Variants in NCKAP5 observed in about 807,000 individuals in gnomAD.
The protein encoded by NCKAP5 is nck-associated protein 5.
NCKAP5 carries 92 observed loss-of-function variants against 167.0 expected under a neutral mutation model. The observed-to-expected ratio is 0.55, with a 90% confidence interval of 0.47 to 0.66. The LOEUF (loss-of-function observed/expected upper bound fraction) is 0.66, where lower values mean the gene tolerates loss of function less well. NCKAP5 is among the 30% of genes least tolerant of loss of function. NCKAP5 has a pLI of 0.00. For synonymous variants in NCKAP5, 891 were observed against 877.4 expected, an observed-to-expected ratio of 1.02 and a Z score of -0.27; for missense variants, 2,378 against 2,315.0, an observed-to-expected ratio of 1.03 and a Z score of -0.56.
the NCKAP5 span, among the ~76,000 whole-genome samples, chr2:133,630,030 T>A: frequency 5.9e-5 from 9 of 152,096 alleles, no homozygotes; most frequent in South Asian, 1.5e-3. Context: ...AGCTAATGCA[T>A]GTGGGGGTTA....
intron 5 of NCKAP5, among the ~76,000 whole-genome samples, chr2:133,174,127 T>G (rs1295899516): frequency 6.6e-6 from 1 of 152,208 alleles, no homozygotes; most frequent in East Asian, 1.9e-4. Flanking sequence ...TATGGCCATG[T>G]CTCCTTAGTC....
In NCKAP5 at chr2:132,853,543, A is replaced by G. The variant is rs1689238001; in HGVS notation, c.807+6949T>C. Reference sequence around the variant, plus strand: ...GTGCTCTTGAAAGCAATTAATACCTATTAATACAATTAATACATATATCTA... The same window carrying G: ...GTGCTCTTGAAAGCAATTAATACCTGTTAATACAATTAATACATATATCTA... On this transcript the variant is annotated intron_variant, in intron 11 of 19. Transcript: ENST00000409261. 2.6e-5 allele frequency among the ~76,000 whole-genome samples: 4 copies of G among 152,202 alleles called. No homozygotes were observed. In the South Asian group the frequency reaches 8.3e-4, roughly 31 times the overall value.
At chr2:133,346,166 C>G (rs1051154578) in intron 3 of NCKAP5, among the ~76,000 whole-genome samples, 1 of 152,044 alleles carries the variant, frequency 6.6e-6, no homozygotes, top group Non-Finnish European at 1.5e-5. Context: ...ATAAAATGAC[C>G]CAAATATGGT....
At chr2:133,245,978 T>C (rs2087968402) in intron 4 of NCKAP5, among the ~76,000 whole-genome samples, 1 of 151,038 alleles carries the variant, frequency 6.6e-6, no homozygotes, top group Non-Finnish European at 1.5e-5. Flanking sequence ...TCAACTAGCA[T>C]ATGTTGCAAC....
intron 3 of NCKAP5, among the ~76,000 whole-genome samples, chr2:133,395,336 A>G (rs1687669252): frequency 6.6e-6 from 1 of 152,310 alleles, no homozygotes; most frequent in Admixed American, 6.5e-5. Context: ...CTCTTCTCAG[A>G]AATAATGGCC....
chr2:133,112,763 C>A (rs2081957379), intron 6 of NCKAP5, among the ~76,000 whole-genome samples: 1 of 152,172 alleles, frequency 6.6e-6, no homozygotes, highest in African/African-American at 2.4e-5. Flanking sequence ...GTTTAATATA[C>A]AATTATTGTC....
At chr2:132,821,678 G>C (rs141445848) in intron 11 of NCKAP5, among the ~76,000 whole-genome samples, 1 of 152,120 alleles carries the variant, frequency 6.6e-6, no homozygotes, top group African/African-American at 2.4e-5. Flanking sequence ...CACAGTCTGG[G>C]GCAAAGTGTG....
At chr2:133,086,991 T>C (rs990253561) in intron 6 of NCKAP5, among the ~76,000 whole-genome samples, 2 of 152,180 alleles carry the variant, frequency 1.3e-5, no homozygotes, top group African/African-American at 4.8e-5. Context: ...AAGTGATTTT[T>C]AGATGAGGGA....
intron 3 of NCKAP5, among the ~76,000 whole-genome samples, chr2:133,377,710 G>A (rs1574833569): frequency 1.3e-5 from 2 of 152,304 alleles, no homozygotes; most frequent in South Asian, 4.1e-4. Context: ...GCAAAGCAGT[G>A]TGACATTTAG....
chr2:133,649,174 C>G, the NCKAP5 span, among the ~76,000 whole-genome samples: 3 of 149,476 alleles, frequency 2.0e-5, no homozygotes, highest in African/African-American at 7.4e-5. Flanking sequence ...TATAACCTAT[C>G]AAGACGAAAT....
the NCKAP5 span, among the ~76,000 whole-genome samples, chr2:133,657,821 T>C: frequency 1.3e-5 from 2 of 152,108 alleles, no homozygotes; most frequent in South Asian, 2.1e-4. Context: ...TCTCAAAAGC[T>C]CTGAGTCAGA....
At chr2:133,447,824 A>C (rs1031669991) in intron 3 of NCKAP5, among the ~76,000 whole-genome samples, 5 of 152,056 alleles carry the variant, frequency 3.3e-5, no homozygotes, top group African/African-American at 4.8e-5. Flanking sequence ...GAGACAGTGA[A>C]TCATCTTGCA....
chr2:133,580,638 C>A, the NCKAP5 span, among the ~76,000 whole-genome samples: 1 of 152,192 alleles, frequency 6.6e-6, no homozygotes, highest in Admixed American at 6.5e-5. Flanking sequence ...AACAAATCAG[C>A]ATGGTTTATT....
chr2:133,626,654 T>G, the NCKAP5 span, among the ~76,000 whole-genome samples: 1 of 152,004 alleles, frequency 6.6e-6, no homozygotes, highest in Non-Finnish European at 1.5e-5. Flanking sequence ...TTTAAAAGAG[T>G]CTTTATCTTT....
intron 2 of NCKAP5, among the ~76,000 whole-genome samples, chr2:133,538,146 G>T (rs1685900769): frequency 6.6e-6 from 1 of 152,134 alleles, no homozygotes; most frequent in Admixed American, 6.5e-5. Flanking sequence ...ACTTTAAGGG[G>T]ACTCCATGCA....
At chr2:133,622,756 G>A in the NCKAP5 span, among the ~76,000 whole-genome samples, 9 of 151,988 alleles carry the variant, frequency 5.9e-5, no homozygotes, top group South Asian at 8.3e-4. Flanking sequence ...TAAATTCAAT[G>A]CAGTTCTCAT....
At chr2:132,685,819 G>A (rs1685865691) in intron 19 of NCKAP5, among the ~76,000 whole-genome samples, 1 of 152,108 alleles carries the variant, frequency 6.6e-6, no homozygotes, top group Non-Finnish European at 1.5e-5. Flanking sequence ...CTGGAGAATG[G>A]GGCTGATTTC....
chr2:133,323,536 T>C, intron 3 of NCKAP5, among the ~76,000 whole-genome samples: 1 of 152,202 alleles, frequency 6.6e-6, no homozygotes, highest in Non-Finnish European at 1.5e-5. Flanking sequence ...ATGCGAACTA[T>C]ATGACTGGTT....
intron 8 of NCKAP5, among the ~76,000 whole-genome samples, chr2:132,936,712 C>A (rs191955741): frequency 2.0e-5 from 3 of 152,124 alleles, no homozygotes. Context: ...AAAAAAGATA[C>A]ACACAAATGT....
Sources: allele counts gnomAD v4.1 joint callset (sites outside exome capture counted in the v4.1 genomes callset), GRCh38; gene constraint gnomAD v4.1.1; transcripts MANE v1.5; gene names NCBI Gene and HGNC (gene_info 2026-07-23, HGNC 2026-07-21).